The following PCDHA7 variants were observed in gnomAD, a reference collection of about 807,000 sequenced individuals.
The protein encoded by PCDHA7 is protocadherin alpha-7.
Under a neutral mutation model 57.2 loss-of-function variants are expected in PCDHA7, and 37 were observed. The ratio of observed to expected loss-of-function variants is 0.65; its 90% CI spans 0.50 to 0.85. The LOEUF (loss-of-function observed/expected upper bound fraction) is 0.85. Among genes scored for constraint, PCDHA7 ranks in the 40% least tolerant of loss-of-function variants. The pLI, the probability that PCDHA7 is intolerant of heterozygous loss-of-function variation, is 0.00. For synonymous variants in PCDHA7, 553 were observed against 558.8 expected, an observed-to-expected ratio of 0.99 and a Z score of 0.15; for missense variants, 1,188 against 1,241.8, an observed-to-expected ratio of 0.96 and a Z score of 0.65.
At chr5:140,895,968 G>C (rs190056652) in intron 1 of PCDHA7, among the ~76,000 whole-genome samples, 4 of 151,938 alleles carry the variant, frequency 2.6e-5, no homozygotes, top group African/African-American at 4.8e-5. Flanking sequence ...CTGTCACCAG[G>C]CCTAGCTAAT....
chr5:140,848,732 G>T lies in PCDHA7; in HGVS notation c.2355+11994G>T, dbSNP rs1554142393. 5.7e-6 allele frequency: 9 copies of T among 1,592,756 alleles called. 1 individual carries two copies. The highest frequency in any genetic ancestry group is 7.7e-6 in the Non-Finnish European group (9 of 1,163,596). ...GCGGGGACCTTCTGGAGGTAAATCT[G>T]CAGAATGGCATTTTGTTTGTGAATT... On this transcript the variant is annotated intron_variant, in intron 1 of 3. Transcript: ENST00000525929.
chr5:140,927,974 T>C (rs1554205324), intron 1 of PCDHA7: 3 of 1,614,098 alleles, frequency 1.9e-6, no homozygotes, highest in Non-Finnish European at 2.5e-6. Context: ...GTGATTGCTC[T>C]CTTTAGTGTA....
Position 140,835,625 on chromosome 5 carries a change from C to T in PCDHA7, c.1242C>T (p.Asp414=). Residue 414 remains aspartate, a synonymous_variant, in exon 1 of 4, where the codon GAC becomes GAT. Transcript: ENST00000525929. ...YYSLVLDSAL[D]RESVSAYELV... ...CATTGGTGCTGGACAGCGCTCTGGA[C>T]CGCGAGAGTGTGTCCGCCTATGAGC... is the stretch of plus-strand genomic sequence containing the variant. The T allele has an allele frequency of 6.2e-7, 1 of 1,613,902 alleles. No individual in the cohort carries two copies. The highest frequency in any genetic ancestry group is 8.5e-7 in the Non-Finnish European group (1 of 1,179,868).
At chr5:140,972,871 C>G (rs1436283252) in intron 1 of PCDHA7, among the ~76,000 whole-genome samples, 1 of 152,030 alleles carries the variant, frequency 6.6e-6, no homozygotes, top group Non-Finnish European at 1.5e-5. Flanking sequence ...ATCATGTTGT[C>G]CAGGATGGTC....
intron 3 of PCDHA7, 104 bp from the exon 4 acceptor site, chr5:141,009,523 G>A: frequency 6.7e-7 from 1 of 1,502,140 alleles, no homozygotes; most frequent in Non-Finnish European, 8.9e-7. Flanking sequence ...GATTTTTCTG[G>A]GGAGGTTCAG....
intron 1 of PCDHA7, among the ~76,000 whole-genome samples, chr5:140,941,263 T>TTC (rs2092992439): frequency 7.5e-6 from 1 of 133,334 alleles, no homozygotes; most frequent in Non-Finnish European, 1.6e-5. Flanking sequence ...TTCTCTTTCT[T>TTC]TCTTTCTTTC....
chr5:140,922,643 C>T (rs1554200906), intron 1 of PCDHA7, among the ~76,000 whole-genome samples: 3 of 152,192 alleles, frequency 2.0e-5, no homozygotes, highest in African/African-American at 7.2e-5. Flanking sequence ...CTCCATCAAA[C>T]AGTAAATATG....
chr5:140,879,479 G>A (rs992823540), intron 1 of PCDHA7, among the ~76,000 whole-genome samples: 10 of 152,196 alleles, frequency 6.6e-5, no homozygotes, highest in Non-Finnish European at 1.3e-4. Context: ...GTTGTGATTG[G>A]AAATATGGGT....
intron 3 of PCDHA7, among the ~76,000 whole-genome samples, chr5:140,996,580 C>T (rs1351485354): frequency 6.6e-6 from 1 of 152,130 alleles, no homozygotes; most frequent in African/African-American, 2.4e-5. Context: ...AATTTGTTAA[C>T]AAGGGCCGCC....
intron 1 of PCDHA7, among the ~76,000 whole-genome samples, chr5:140,932,118 A>C (rs2088050775): frequency 6.6e-6 from 1 of 151,946 alleles, no homozygotes; most frequent in African/African-American, 2.4e-5. Flanking sequence ...CCAATTGATA[A>C]TATTTAAGAT....
chr5:140,922,883 T>G (rs963654982), intron 1 of PCDHA7, among the ~76,000 whole-genome samples: 2 of 152,134 alleles, frequency 1.3e-5, no homozygotes, highest in African/African-American at 2.4e-5. Flanking sequence ...TCCAAAGACA[T>G]CATTCAAGAA....
intron 1 of PCDHA7, chr5:140,969,386 C>G (rs782109093): frequency 6.3e-7 from 1 of 1,596,966 alleles, no homozygotes; most frequent in South Asian, 1.1e-5. Flanking sequence ...TACACATCCC[C>G]CAATATCCTG....
At chr5:140,924,901 A>AATAAAATAAAAT (rs145282866) in intron 1 of PCDHA7, among the ~76,000 whole-genome samples, 7 of 80,504 alleles carry the variant, frequency 8.7e-5, no homozygotes, top group Middle Eastern at 6.1e-3. Context: ...TCTCAAAAAA[A>AATAAAATAAAAT]AAAATAAAAT....
At chr5:140,960,923 G>A (rs1478943565) in intron 1 of PCDHA7, among the ~76,000 whole-genome samples, 1 of 152,168 alleles carries the variant, frequency 6.6e-6, no homozygotes, top group African/African-American at 2.4e-5. Context: ...TAGAAAATTG[G>A]TACTAAGTTT....
chr5:140,910,175 T>C (rs1296033470), intron 1 of PCDHA7, among the ~76,000 whole-genome samples: 1 of 152,240 alleles, frequency 6.6e-6, no homozygotes. Flanking sequence ...CCTCTGTTTT[T>C]ATAATTCAAA....
chr5:140,841,020 C>T (rs186269491), intron 1 of PCDHA7, among the ~76,000 whole-genome samples: 2 of 151,914 alleles, frequency 1.3e-5, no homozygotes, highest in African/African-American at 4.8e-5. Flanking sequence ...AGTATGAATG[C>T]CTCTGCAATT....
intron 1 of PCDHA7, chr5:140,855,925 C>G (rs1161071214): frequency 2.4e-6 from 3 of 1,240,504 alleles, no homozygotes; most frequent in Non-Finnish European, 3.4e-6. Flanking sequence ...TAGGAAGTAG[C>G]GTCATTCTGA....
chr5:140,880,365 C>A (rs1462418898), intron 1 of PCDHA7, among the ~76,000 whole-genome samples: 1 of 151,976 alleles, frequency 6.6e-6, no homozygotes, highest in Non-Finnish European at 1.5e-5. Flanking sequence ...TAGATGAAAA[C>A]CATGAGAGAA....
intron 3 of PCDHA7, among the ~76,000 whole-genome samples, chr5:141,007,801 G>T (rs559830556): frequency 2.6e-5 from 4 of 152,148 alleles, no homozygotes; most frequent in Non-Finnish European, 5.9e-5. Flanking sequence ...GCCTTTATCT[G>T]CCATTCATTT....
Sources: gnomAD v4.1 joint callset for allele counts (sites outside exome capture counted in the v4.1 genomes callset) on GRCh38, gnomAD v4.1.1 for gene constraint, MANE v1.5 for transcripts, NCBI Gene and HGNC (gene_info 2026-07-23, HGNC 2026-07-21) for gene names.